ZRANB3: variants seen among roughly 807,000 people sequenced by gnomAD.
ZRANB3 encodes the protein zinc finger RANBP2-type containing 3, also known as DNA annealing helicase and endonuclease ZRANB3.
In ZRANB3, 125 loss-of-function variants were observed where a neutral mutation model predicts 133.8. The observed-to-expected ratio is 0.93, with a 90% CI of 0.81 to 1.08. ZRANB3 has a LOEUF of 1.08. Among genes scored for constraint, ZRANB3 ranks in the 50% least tolerant of loss-of-function variants. The pLI, the probability that ZRANB3 is intolerant of heterozygous loss-of-function variation, is 0.00. For synonymous variants in ZRANB3, 387 were observed against 432.7 expected, an observed-to-expected ratio of 0.89 and a Z score of 1.31; for missense variants, 1,229 against 1,275.5, an observed-to-expected ratio of 0.96 and a Z score of 0.56.
chr2:135,233,227 C>A (rs1573724061), intron 12 of ZRANB3, among the ~76,000 whole-genome samples: 1 of 151,780 alleles, frequency 6.6e-6, no homozygotes, highest in African/African-American at 2.4e-5. Context: ...ATGAAGCGAG[C>A]AGAGAAATTT....
intron 2 of ZRANB3, among the ~76,000 whole-genome samples, chr2:135,485,097 C>T (rs7355316): frequency 0.032 from 4,818 of 151,484 alleles, 244 homozygotes; most frequent in African/African-American, 0.11. Context: ...GGGAGTATAC[C>T]TAGAAAGAAC....
At chr2:135,442,904 C>G (rs1689842945) in intron 2 of ZRANB3, among the ~76,000 whole-genome samples, 1 of 152,026 alleles carries the variant, frequency 6.6e-6, no homozygotes, top group African/African-American at 2.4e-5. Flanking sequence ...ATCACAAGGT[C>G]AGGAAGTCGA....
At chr2:135,345,388 A>C (rs1684868300) in intron 6 of ZRANB3, 162 bp downstream of exon 6, 2 of 536,238 alleles carry the variant, frequency 3.7e-6, no homozygotes, top group Non-Finnish European at 6.6e-6. Flanking sequence ...GAATCGATTG[A>C]ACCCAGGAGG....
At chr2:135,216,163 A>G (rs970558220) in intron 17 of ZRANB3, among the ~76,000 whole-genome samples, 1 of 152,088 alleles carries the variant, frequency 6.6e-6, no homozygotes, top group African/African-American at 2.4e-5. Context: ...ACAAACAAAT[A>G]AATGTACCAT....
intron 2 of ZRANB3, among the ~76,000 whole-genome samples, chr2:135,409,017 G>A (rs1688180636): frequency 1.3e-5 from 2 of 151,956 alleles, no homozygotes; most frequent in African/African-American, 4.8e-5. Context: ...AATTTATAAA[G>A]AAAAGCAGTT....
At chr2:135,312,133 ATTATTTTATTTTATTTTATTTTAT>A (rs1457892716) in intron 8 of ZRANB3, among the ~76,000 whole-genome samples, 3,501 of 98,364 alleles carry the variant, frequency 0.036, 196 homozygotes, top group African/African-American at 0.21. Context: ...ATTTTATTTT[ATTATTTTATTTTATTTTATTTTAT>A]TTTTATTTTA....
At chr2:135,269,174 T>A in intron 10 of ZRANB3, 33 bp from the exon 11 acceptor site, 1 of 1,540,266 alleles carries the variant, frequency 6.5e-7, no homozygotes, top group South Asian at 1.2e-5. Flanking sequence ...ATTGAGAATG[T>A]AACATACAGC....
intron 1 of ZRANB3, among the ~76,000 whole-genome samples, chr2:135,510,362 T>A (rs1045607678): frequency 6.6e-6 from 1 of 152,002 alleles, no homozygotes; most frequent in Non-Finnish European, 1.5e-5. Context: ...AGACTAAAGG[T>A]CAGGAAAGGG....
intron 12 of ZRANB3, among the ~76,000 whole-genome samples, chr2:135,264,786 G>A (rs527361013): frequency 1.6e-4 from 23 of 143,838 alleles, no homozygotes; most frequent in African/African-American, 5.4e-4. Flanking sequence ...TCACTCTATC[G>A]CCCAGCCTGG....
chr2:135,271,395 C>G, intron 10 of ZRANB3: 2 of 474,028 alleles, frequency 4.2e-6, no homozygotes, highest in South Asian at 3.1e-5. Flanking sequence ...TCATACAGGT[C>G]CTAATGCAAC....
In ZRANB3 at chr2:135,406,756, T is replaced by C. The variant is rs535605779; in HGVS notation, c.162-15936A>G. ...TCTCAATAGATGCAGAAAAGGCCTT[T>C]GACAAAATTCAACAACCCTTCATGC... On this transcript the variant is annotated intron_variant, in intron 2 of 20. Coordinates refer to ENST00000264159, the MANE Select transcript of ZRANB3 (RefSeq NM_032143.4). 3.3e-3 allele frequency among the ~76,000 whole-genome samples: 501 copies of C among 152,228 alleles called. 3 individuals carry two copies. Among genetic ancestry groups the C allele is most frequent in the African/African-American group, 0.01 (431 of 41,546 alleles).
At chr2:135,378,624 C>G (rs1452070697) in intron 3 of ZRANB3, among the ~76,000 whole-genome samples, 1 of 152,036 alleles carries the variant, frequency 6.6e-6, no homozygotes, top group African/African-American at 2.4e-5. Context: ...AGTAACAAAA[C>G]CTGGCAAACA....
At position 135,376,185 on chromosome 2, in the gene ZRANB3, C is replaced by A. The variant is rs369427717; in HGVS notation, c.180+14617G>T. On this transcript the variant is annotated intron_variant, in intron 3 of 20. Transcript: ENST00000264159. The stretch of plus-strand genomic sequence containing the variant: ...AGGACAAAGGCATGGAACAGATTAT[C>A]CCTCGGAAACATCAGAAGAAACCTA... Among the ~76,000 whole-genome samples, 55 of 152,220 alleles carry A rather than the reference C, an allele frequency of 3.6e-4. 2 individuals are homozygous for A. The East Asian group carries it at 5.6e-3, about 16-fold the overall frequency.
At chr2:135,452,296 A>C (rs1475966989) in intron 2 of ZRANB3, among the ~76,000 whole-genome samples, 2 of 152,136 alleles carry the variant, frequency 1.3e-5, no homozygotes, top group African/African-American at 4.8e-5. Context: ...CAACACATGG[A>C]CATTCTGGGA....
At chr2:135,501,025 C>T (rs1003088236) in intron 2 of ZRANB3, among the ~76,000 whole-genome samples, 1 of 152,000 alleles carries the variant, frequency 6.6e-6, no homozygotes, top group African/African-American at 2.4e-5. Flanking sequence ...AATCAACAGA[C>T]ACAAATCCCA....
chr2:135,458,280 T>C (rs1400810440), intron 2 of ZRANB3, among the ~76,000 whole-genome samples: 1 of 152,132 alleles, frequency 6.6e-6, no homozygotes, highest in Non-Finnish European at 1.5e-5. Flanking sequence ...TCTTCATTCA[T>C]TACTATAGCT....
chr2:135,423,524 T>A (rs1430709959), intron 2 of ZRANB3, among the ~76,000 whole-genome samples: 2 of 152,240 alleles, frequency 1.3e-5, no homozygotes, highest in African/African-American at 4.8e-5. Flanking sequence ...TATGGTCTCA[T>A]CTTAAATTGA....
Position 135,229,516 on chromosome 2 carries a change from C to T in ZRANB3, c.1954+997G>A, listed in dbSNP as rs573713345. 1.8e-4 allele frequency among the ~76,000 whole-genome samples: 27 copies of T among 151,666 alleles called. No individual in the cohort carries two copies. The South Asian group carries it at 3.8e-3, about 21-fold the overall frequency. On this transcript the variant is annotated intron_variant, in intron 13 of 20. Coordinates refer to ENST00000264159, the MANE Select transcript of ZRANB3 (RefSeq NM_032143.4). The stretch of plus-strand genomic sequence containing the variant: ...CCGAGTAGCTGGGACTACAGGCGCC[C>T]GCTACCACGCCCGGCTAATTTTTTG...
intron 17 of ZRANB3, among the ~76,000 whole-genome samples, chr2:135,213,979 C>T (rs1432900238): frequency 2.0e-5 from 3 of 151,878 alleles, no homozygotes; most frequent in Non-Finnish European, 4.4e-5. Context: ...ATGGTCCAGC[C>T]GACAGCCAGC....
Sources: gnomAD v4.1 joint callset for allele counts (sites outside exome capture counted in the v4.1 genomes callset) on GRCh38, gnomAD v4.1.1 for gene constraint, MANE v1.5 for transcripts, NCBI Gene and HGNC (gene_info 2026-07-23, HGNC 2026-07-21) for gene names.